Variants in MCF2L observed in about 807,000 individuals in gnomAD.
MCF2L encodes MCF.2 cell line derived transforming sequence like, also known as guanine nucleotide exchange factor DBS.
Under a neutral mutation model 153.4 loss-of-function variants are expected in MCF2L, and 97 were observed. That is an observed-to-expected ratio of 0.63 (90% CI 0.54 to 0.75). The LOEUF (loss-of-function observed/expected upper bound fraction) is 0.75, where lower values mean the gene tolerates loss of function less well. MCF2L is among the 30% of genes least tolerant of loss of function. MCF2L has a pLI of 0.00. For missense variants in MCF2L, 1,347 were observed against 1,495.2 expected (o/e 0.90, Z 1.64); for synonymous variants, 659 against 632.2 (o/e 1.04, Z -0.64).
In MCF2L at chr13:112,969,506, C is replaced by G; in HGVS notation, c.79+48C>G. The G allele has an allele frequency of 6.5e-7, 1 of 1,548,662 alleles. No homozygotes were observed. On this transcript the variant is annotated intron_variant, in intron 1 of 29. Coordinates refer to ENST00000535094, the MANE Select transcript of MCF2L (RefSeq NM_001112732.3). The surrounding 1 kb of genome is among the most constrained non-coding windows in gnomAD (Gnocchi z 4.8). ...AGTGATCTGTGCTTAAGCTTGACATCATGGGCTGAAATGTGGGGAAATGCG... is the reference window on the plus strand; with the variant it reads ...AGTGATCTGTGCTTAAGCTTGACATGATGGGCTGAAATGTGGGGAAATGCG...
At chr13:112,956,935 A>G (rs891335674) in intron 2 of MCF2L, 4 of 152,124 alleles carry the variant, frequency 2.6e-5, no homozygotes, top group African/African-American at 9.7e-5. Context: ...GGCATTCAAT[A>G]CCCAGATCTG....
intron 3 of MCF2L, among the ~76,000 whole-genome samples, chr13:113,037,293 G>C (rs2086215437): frequency 6.6e-6 from 1 of 152,176 alleles, no homozygotes; most frequent in East Asian, 1.9e-4. Flanking sequence ...GGCAGGCCAG[G>C]GCAGAGTTGA....
intron 2 of MCF2L, among the ~76,000 whole-genome samples, chr13:112,949,463 A>G (rs1361073783): frequency 6.6e-6 from 1 of 152,210 alleles, no homozygotes; most frequent in Non-Finnish European, 1.5e-5. Flanking sequence ...TCATGAATAT[A>G]ACACACAAGC....
At chr13:112,916,872 TCCCTGCCTGTC>T (rs1037634740) in intron 2 of MCF2L, among the ~76,000 whole-genome samples, 2 of 152,040 alleles carry the variant, frequency 1.3e-5, no homozygotes, top group Non-Finnish European at 2.9e-5. Context: ...TGGAAGAGCA[TCCCTGCCTGTC>T]CCCTGCCTGT....
chr13:112,896,826 G>T (rs2081072298), intron 1 of MCF2L, among the ~76,000 whole-genome samples: 1 of 152,212 alleles, frequency 6.6e-6, no homozygotes, highest in African/African-American at 2.4e-5. Context: ...CCCAATGCAG[G>T]TTCCTGAGTC....
chr13:113,020,886 GTGTGTATGTGTAGATGTGTGTA>G (rs2084836570), intron 2 of MCF2L, among the ~76,000 whole-genome samples: 4 of 106,136 alleles, frequency 3.8e-5, no homozygotes, highest in African/African-American at 1.4e-4. Flanking sequence ...ATGTGTAGAT[GTGTGTATGTGTAGATGTGTGTA>G]TGTGTGTGTA....
At chr13:112,915,278 A>G (rs1293664408) in intron 2 of MCF2L, among the ~76,000 whole-genome samples, 1 of 151,724 alleles carries the variant, frequency 6.6e-6, no homozygotes, top group Admixed American at 6.6e-5. Context: ...GTGTGGTGGC[A>G]GGCACCTGTA....
At position 113,031,459 on chromosome 13, in the gene MCF2L, G is replaced by A. The variant is rs2085717446; in HGVS notation, c.278+6701G>A. Among the ~76,000 whole-genome samples the A allele has an allele frequency of 6.6e-6, 1 of 152,200 alleles. No homozygotes were observed. The highest frequency in any genetic ancestry group is 2.4e-5 in the African/African-American group (1 of 41,450). ...GCAGGACAGAGTGCCGGGGAGTCGG[G>A]GGCTGTAGGGACAGAGTCTGGGAGG... On this transcript the variant is annotated intron_variant, in intron 3 of 29. Transcript: ENST00000535094. This position sits in a 1 kb window ranked among gnomAD's most constrained non-coding sequence, Gnocchi z 5.5.
intron 2 of MCF2L, among the ~76,000 whole-genome samples, chr13:113,022,592 G>A (rs561371399): frequency 1.0e-3 from 154 of 152,380 alleles, no homozygotes; most frequent in African/African-American, 3.5e-3. Context: ...CGCAGGCTGC[G>A]GCCGTTTCCA....
rs184265469 is a variant in MCF2L, at chr13:112,930,227, A to G, written c.169+27856A>G. 4.6e-5 allele frequency among the ~76,000 whole-genome samples: 7 copies of G among 152,346 alleles called. No individual in the cohort carries two copies. In the East Asian group the frequency reaches 1.4e-3, roughly 29 times the overall value. ...ACCCAAACTAGTTGAAAACATGTCC[A>G]TACAAAAACCTGCACATAAGTGTTT... On this transcript the variant is annotated intron_variant, in intron 2 of 29. Transcript: ENST00000375608.
rs113383695 is a variant in MCF2L, at chr13:112,940,639, G to A, written c.169+38268G>A. ...TATGAATCTTTTCGTAAATGTACGT[G>A]TACATTTCAATCAGTTTTTGCAGTT... On this transcript the variant is annotated intron_variant, in intron 2 of 29. Coordinates refer to the MCF2L transcript ENST00000375608. Among the ~76,000 whole-genome samples the A allele has an allele frequency of 3.3e-3, 496 of 152,316 alleles. 2 individuals carry two copies. The highest frequency in any genetic ancestry group is 0.011 in the African/African-American group (474 of 41,570).
rs146280701 is a variant in MCF2L at position 112,987,266 on chromosome 13, C to T, written c.79+17808C>T. ...TGCCCCTTCCAGCGCTTTCCCGAAA[C>T]GCTGTTGTCTGCAGCCACGCAGAGG... On this transcript the variant is annotated intron_variant, in intron 1 of 29. Coordinates refer to ENST00000535094, the MANE Select transcript of MCF2L (RefSeq NM_001112732.3). Among the ~76,000 whole-genome samples the T allele has an allele frequency of 7.0e-3, 567 of 81,046 alleles. 3 individuals carry two copies. Among genetic ancestry groups the T allele is most frequent in the Middle Eastern group, 0.026 (3 of 114 alleles). The allele number at this position is 81,046 out of a possible 152,430, so 53.2% of individuals were successfully genotyped here.
intron 2 of MCF2L, among the ~76,000 whole-genome samples, chr13:112,929,328 G>A (rs9604003): frequency 0.18 from 26,994 of 152,154 alleles, 2,683 homozygotes; most frequent in African/African-American, 0.25. Flanking sequence ...ATTCCTGCGC[G>A]GCTGCAGCAA....
At chr13:113,056,295 AGTGTTTGGGTGCTGT>A (rs1266576530) in intron 4 of MCF2L, among the ~76,000 whole-genome samples, 2 of 149,518 alleles carry the variant, frequency 1.3e-5, no homozygotes, top group Non-Finnish European at 3.0e-5. Flanking sequence ...TTGGGTGCTG[AGTGTTTGGGTGCTGT>A]GTGTTTGGGT....
At chr13:112,938,802 C>T (rs1203755116) in intron 2 of MCF2L, among the ~76,000 whole-genome samples, 1 of 152,134 alleles carries the variant, frequency 6.6e-6, no homozygotes, top group African/African-American at 2.4e-5. Context: ...CCACAACCAC[C>T]GAGGCAGACG....
In MCF2L at chr13:113,088,352, C is replaced by T. The variant is rs779688395; in HGVS notation, c.2714C>T (p.Ala905Val). Reference sequence around the variant, plus strand: ...GCGCCAACTCCTGAGATTAAAGCCGCGTGGGTGAATGAAATTCGGAAAGTG... The same window carrying T: ...GCGCCAACTCCTGAGATTAAAGCCGTGTGGGTGAATGAAATTCGGAAAGTG... ...VQAPTPEIKA[A>V]WVNEIRKVLT... is the part of the protein sequence containing the mutation. The change falls in exon 24 of 30, where the codon GCG (alanine) becomes GTG (valine). Residue 905 changes from alanine to valine, a missense_variant. Coordinates refer to ENST00000535094, the MANE Select transcript of MCF2L (RefSeq NM_001112732.3). 1.4e-5 allele frequency: 22 copies of T among 1,613,890 alleles called. No homozygotes were observed. Among genetic ancestry groups the T allele is most frequent in the Middle Eastern group, 1.6e-4 (1 of 6,080 alleles).
chr13:113,061,021 A>T (rs996919854), intron 5 of MCF2L, among the ~76,000 whole-genome samples: 1 of 151,966 alleles, frequency 6.6e-6, no homozygotes, highest in African/African-American at 2.4e-5. Context: ...GGAGAACTAC[A>T]GAACTTGAGA....
chr13:113,007,576 T>A (rs185102191), intron 1 of MCF2L, among the ~76,000 whole-genome samples: 1 of 152,362 alleles, frequency 6.6e-6, no homozygotes, highest in East Asian at 1.9e-4. Context: ...GGGGCAGCAC[T>A]GCATTCCATG....
intron 3 of MCF2L, among the ~76,000 whole-genome samples, chr13:113,036,809 TCCAAGC>T (rs2086186294): frequency 6.6e-6 from 1 of 152,252 alleles, no homozygotes; most frequent in Non-Finnish European, 1.5e-5. Flanking sequence ...CTCAGAGGAC[TCCAAGC>T]CTCTATTTGT....
Sources: gnomAD v4.1 joint callset for allele counts (sites outside exome capture counted in the v4.1 genomes callset) on GRCh38, gnomAD v4.1.1 for gene constraint, Gnocchi (gnomAD v3.1) non-coding constraint, MANE v1.5 for transcripts, NCBI Gene and HGNC (gene_info 2026-07-23, HGNC 2026-07-21) for gene names.